The following MAGI3 variants were observed in gnomAD, a reference collection of about 807,000 sequenced individuals.
MAGI3 encodes the protein membrane associated guanylate kinase, WW and PDZ domain containing 3, also known as membrane-associated guanylate kinase, WW and PDZ domain-containing protein 3.
A neutral mutation model predicts 121.8 loss-of-function variants in MAGI3; 43 were observed. The ratio of observed to expected loss-of-function variants is 0.35; its 90% CI spans 0.28 to 0.46. The LOEUF (loss-of-function observed/expected upper bound fraction) is 0.46, where lower values mean the gene tolerates loss of function less well. MAGI3 is among the 20% of genes least tolerant of loss of function. The pLI is 1.00. For missense variants in MAGI3, 1,547 were observed against 1,797.3 expected (o/e 0.86, Z 2.52); for synonymous variants, 553 against 639.3 (o/e 0.86, Z 2.04).
intron 9 of MAGI3, among the ~76,000 whole-genome samples, chr1:113,633,830 G>C (rs1311271792): frequency 6.6e-6 from 1 of 152,186 alleles, no homozygotes; most frequent in African/African-American, 2.4e-5. Flanking sequence ...CACAAGGGTT[G>C]AACTAGTTTA....
At chr1:113,580,132 A>G (rs914107432) in intron 2 of MAGI3, among the ~76,000 whole-genome samples, 1 of 152,186 alleles carries the variant, frequency 6.6e-6, no homozygotes, top group Non-Finnish European at 1.5e-5. Flanking sequence ...AAGAAGCCAT[A>G]TGTGAATACC....
chr1:113,576,220 C>CA (rs1014737210), intron 2 of MAGI3, among the ~76,000 whole-genome samples: 12 of 151,424 alleles, frequency 7.9e-5, no homozygotes, highest in South Asian at 4.2e-4. Flanking sequence ...CACTGGAGTA[C>CA]AAAAAAAAAC....
Position 113,683,527 on chromosome 1 carries a change from C to G in MAGI3, c.3959C>G (p.Thr1320Arg). ...AAGAGTCGAAGAATAGCAGGCTATA[C>G]GGGCAGTAATGCTGAGCAGATCCCA... is the stretch of plus-strand genomic sequence containing the variant. Reference protein sequence around the residue: ...EGKSRRIAGYTGSNAEQIPDG... With the variant: ...EGKSRRIAGYRGSNAEQIPDG... The change falls in exon 21 of 21, where the codon ACG becomes AGG. Residue 1320 changes from threonine (T) to arginine (R), a missense_variant. Coordinates refer to ENST00000307546, the MANE Select transcript of MAGI3 (RefSeq NM_001142782.2). The G allele has an allele frequency of 6.2e-7, 1 of 1,613,780 alleles. No individual in the cohort carries two copies. The highest frequency in any genetic ancestry group is 8.5e-7 in the Non-Finnish European group (1 of 1,179,870).
intron 1 of MAGI3, among the ~76,000 whole-genome samples, chr1:113,398,007 G>A (rs1281606845): frequency 6.6e-6 from 1 of 152,094 alleles, no homozygotes; most frequent in Non-Finnish European, 1.5e-5. Context: ...GAGAAGGGTG[G>A]CATCATTATA....
At chr1:113,454,481 A>T (rs191801049) in intron 1 of MAGI3, among the ~76,000 whole-genome samples, 13 of 152,270 alleles carry the variant, frequency 8.5e-5, no homozygotes, top group Admixed American at 3.9e-4. Flanking sequence ...AGTATCTATT[A>T]CACAGAATTT....
chr1:113,407,036 A>C (rs979808606), intron 1 of MAGI3, among the ~76,000 whole-genome samples: 1 of 152,154 alleles, frequency 6.6e-6, no homozygotes, highest in Non-Finnish European at 1.5e-5. Context: ...CAACTAAATG[A>C]GGGGTGAAAG....
chr1:113,587,396 A>G lies in MAGI3; in HGVS notation c.763+1800A>G, dbSNP rs367834280. On this transcript the variant is annotated intron_variant, in intron 4 of 20. Transcript: ENST00000307546. The stretch of plus-strand genomic sequence containing the variant: ...TTTTTAGTAGAGACAGGGTTTCACC[A>G]TGTTGGCCAAGCTGGTCTCGAACTC... Among the ~76,000 whole-genome samples, 21 of 152,222 alleles carry G rather than the reference A, an allele frequency of 1.4e-4. No homozygotes were observed. The East Asian group carries it at 3.9e-3, about 28-fold the overall frequency.
At chr1:113,459,348 A>G (rs1300452184) in intron 1 of MAGI3, among the ~76,000 whole-genome samples, 4 of 152,232 alleles carry the variant, frequency 2.6e-5, no homozygotes, top group South Asian at 2.1e-4. Context: ...TTGTCTACCT[A>G]TGAACTTCAT....
At chr1:113,463,180 TG>T (rs1343729869) in intron 1 of MAGI3, among the ~76,000 whole-genome samples, 2 of 152,014 alleles carry the variant, frequency 1.3e-5, no homozygotes, top group Non-Finnish European at 2.9e-5. Flanking sequence ...AATATCCCAT[TG>T]GAGATGTAGA....
chr1:113,528,657 C>T (rs1658567815), intron 1 of MAGI3, among the ~76,000 whole-genome samples: 1 of 152,086 alleles, frequency 6.6e-6, no homozygotes, highest in South Asian at 2.1e-4. Context: ...TCAGTTATTT[C>T]ATCGGGAGTT....
intron 1 of MAGI3, among the ~76,000 whole-genome samples, chr1:113,506,059 T>G (rs1657312229): frequency 6.6e-6 from 1 of 151,976 alleles, no homozygotes; most frequent in Admixed American, 6.6e-5. Flanking sequence ...TTATAGGGTA[T>G]AAGAGGAGAA....
intron 1 of MAGI3, among the ~76,000 whole-genome samples, chr1:113,404,702 G>A (rs1651581984): frequency 6.6e-6 from 1 of 152,068 alleles, no homozygotes; most frequent in Non-Finnish European, 1.5e-5. Flanking sequence ...GAGAAACCAT[G>A]TACAAACTAA....
intron 2 of MAGI3, among the ~76,000 whole-genome samples, chr1:113,578,611 C>G (rs1647808412): frequency 6.6e-6 from 1 of 151,938 alleles, no homozygotes; most frequent in African/African-American, 2.4e-5. Context: ...TTTATAGAGA[C>G]GAGGTCTTAC....
rs773476793 is a variant in MAGI3 at position 113,651,174 on chromosome 1, TACTA to T, written c.2412_2415del (p.Thr805SerfsTer30). The T allele has an allele frequency of 1.2e-6, 2 of 1,613,156 alleles. No homozygotes were observed. The highest frequency in any genetic ancestry group is 1.7e-6 in the Non-Finnish European group (2 of 1,179,868). On this transcript the variant is annotated frameshift_variant, in exon 14 of 21. Coordinates refer to ENST00000307546, the MANE Select transcript of MAGI3 (RefSeq NM_001142782.2). LOFTEE classifies it high-confidence loss of function. ...ACTGCTGCTCGAAATGGCCATGTGTTACTAACTGTCAGACGGAAGATCTTCTATG... is the reference window on the plus strand; with the variant it reads ...ACTGCTGCTCGAAATGGCCATGTGTTACTGTCAGACGGAAGATCTTCTATG...
intron 9 of MAGI3, among the ~76,000 whole-genome samples, chr1:113,627,874 C>G (rs1283617526): frequency 6.6e-6 from 1 of 151,894 alleles, no homozygotes; most frequent in Admixed American, 6.6e-5. Flanking sequence ...CATGGAATGT[C>G]TTTTTCCAGT....
At chr1:113,568,751 G>C (rs1344339512) in intron 2 of MAGI3, among the ~76,000 whole-genome samples, 1 of 151,968 alleles carries the variant, frequency 6.6e-6, no homozygotes, top group Non-Finnish European at 1.5e-5. Context: ...AAGGAAATTA[G>C]ACTGGTACTT....
At chr1:113,399,869 C>T (rs868319623) in intron 1 of MAGI3, among the ~76,000 whole-genome samples, 1 of 151,962 alleles carries the variant, frequency 6.6e-6, no homozygotes, top group Non-Finnish European at 1.5e-5. Flanking sequence ...AAATTCTAAA[C>T]GAATTACTTT....
At chr1:113,627,603 T>A (rs1179858663) in intron 9 of MAGI3, among the ~76,000 whole-genome samples, 1 of 148,098 alleles carries the variant, frequency 6.8e-6, no homozygotes, top group Admixed American at 6.8e-5. Flanking sequence ...ATATAATAAT[T>A]ATATATATAA....
intron 4 of MAGI3, among the ~76,000 whole-genome samples, chr1:113,587,620 A>G (rs780997670): frequency 4.6e-5 from 7 of 152,230 alleles, no homozygotes; most frequent in Non-Finnish European, 1.0e-4. Context: ...ATCTTGCTGA[A>G]GAAATAACCC....
Sources: allele counts gnomAD v4.1 joint callset (sites outside exome capture counted in the v4.1 genomes callset), GRCh38; gene constraint gnomAD v4.1.1; transcripts MANE v1.5; gene names NCBI Gene and HGNC (gene_info 2026-07-23, HGNC 2026-07-21).